Variants in DLGAP1 observed in about 807,000 individuals in gnomAD.
The protein encoded by DLGAP1 is disks large-associated protein 1.
DLGAP1 carries 11 observed loss-of-function variants against 90.8 expected under a neutral mutation model. The observed-to-expected ratio is 0.12, with a 90% CI of 0.08 to 0.20. DLGAP1 has a LOEUF of 0.20. Among genes scored for constraint, DLGAP1 ranks in the 10% least tolerant of loss-of-function variants. The probability of loss-of-function intolerance (pLI) is 1.00; values close to 1 mark genes in which losing one functional copy is unlikely to be tolerated. For missense variants in DLGAP1, 1,050 were observed against 1,333.8 expected (o/e 0.79, Z 3.31); for synonymous variants, 558 against 540.7 (o/e 1.03, Z -0.44).
intron 7 of DLGAP1, among the ~76,000 whole-genome samples, chr18:3,658,921 G>C (rs2059589246): frequency 6.6e-6 from 1 of 152,200 alleles, no homozygotes; most frequent in Admixed American, 6.5e-5. Flanking sequence ...AGGGGTGGCA[G>C]TGAAGGAGAG....
In DLGAP1 at chr18:3,879,201, C is replaced by T; in HGVS notation, c.868G>A (p.Glu290Lys). 1 of 1,553,100 alleles carries T rather than the reference C, an allele frequency of 6.4e-7. No individual in the cohort carries two copies. Among genetic ancestry groups the T allele is most frequent in the Non-Finnish European group, 8.7e-7 (1 of 1,150,072 alleles). The change falls in exon 4 of 13, where the codon GAG (glutamate) becomes AAG (lysine). Residue 290 changes from glutamate (E) to lysine (K), a missense_variant. Coordinates refer to ENST00000315677, the MANE Select transcript of DLGAP1 (RefSeq NM_004746.4). The surrounding 1 kb of genome is among the most constrained non-coding windows in gnomAD (Gnocchi z 6.6). ...SSTLTVSRAR[E>K]VYQKASVNMD... is the part of the protein sequence containing the mutation. ...TTCACCGAGGCCTTCTGGTAAACCT[C>T]CCGGGCCCGGCTCACGGTGAGCGTG... is the stretch of plus-strand genomic sequence containing the variant.
At chr18:4,183,917 C>A (rs564532307) in intron 1 of DLGAP1, among the ~76,000 whole-genome samples, 2 of 152,084 alleles carry the variant, frequency 1.3e-5, no homozygotes, top group African/African-American at 2.4e-5. Context: ...AAAAGACAGA[C>A]CCGAGGGTAT....
chr18:4,232,435 AC>A (rs1354484039), intron 1 of DLGAP1, among the ~76,000 whole-genome samples: 1 of 152,166 alleles, frequency 6.6e-6, no homozygotes, highest in Non-Finnish European at 1.5e-5. Context: ...TCGATAATGA[AC>A]TTTTTGCAAC....
intron 1 of DLGAP1, among the ~76,000 whole-genome samples, chr18:4,261,657 A>G (rs1159124701): frequency 1.3e-5 from 2 of 152,190 alleles, no homozygotes; most frequent in Non-Finnish European, 1.5e-5. Flanking sequence ...CATATAGTGA[A>G]TTAAAATGAT....
At chr18:4,444,096 T>C (rs1449888737) in intron 1 of DLGAP1, among the ~76,000 whole-genome samples, 1 of 152,046 alleles carries the variant, frequency 6.6e-6, no homozygotes, top group Admixed American at 6.5e-5. Flanking sequence ...GCAGAGAAGG[T>C]GAATGCAATT....
chr18:3,899,422 T>C (rs1012842277), intron 3 of DLGAP1, among the ~76,000 whole-genome samples: 1 of 152,128 alleles, frequency 6.6e-6, no homozygotes, highest in Non-Finnish European at 1.5e-5. Flanking sequence ...CCAGAATGAG[T>C]GGTACCTGTG....
intron 4 of DLGAP1, among the ~76,000 whole-genome samples, chr18:3,848,055 G>A (rs538092546): frequency 1.4e-5 from 2 of 142,580 alleles, no homozygotes; most frequent in South Asian, 4.7e-4. Context: ...TTGAGCTCAG[G>A]TGTTTGAAGC....
intron 1 of DLGAP1, among the ~76,000 whole-genome samples, chr18:4,438,563 C>A (rs1055118629): frequency 5.9e-5 from 9 of 151,942 alleles, no homozygotes; most frequent in African/African-American, 1.7e-4. Context: ...TCCACTATCC[C>A]CATTCATTTC....
intron 7 of DLGAP1, among the ~76,000 whole-genome samples, chr18:3,641,238 C>A (rs1291941153): frequency 6.6e-6 from 1 of 151,570 alleles, no homozygotes; most frequent in Non-Finnish European, 1.5e-5. Context: ...ATTCTCAGGG[C>A]AGTCATTCCA....
chr18:4,240,507 A>AT (rs1397692218), intron 1 of DLGAP1, among the ~76,000 whole-genome samples: 1 of 152,182 alleles, frequency 6.6e-6, no homozygotes, highest in Non-Finnish European at 1.5e-5. Flanking sequence ...AATCTCTTGA[A>AT]ATCAGATTTT....
chr18:3,743,650 G>A (rs949472736), intron 5 of DLGAP1, among the ~76,000 whole-genome samples: 55 of 148,566 alleles, frequency 3.7e-4, no homozygotes, highest in Non-Finnish European at 7.7e-4. Context: ...CACCGCGCCC[G>A]GCCTTTATTT....
At chr18:4,004,859 G>A (rs756877313) in intron 3 of DLGAP1, among the ~76,000 whole-genome samples, 3 of 151,332 alleles carry the variant, frequency 2.0e-5, no homozygotes, top group Non-Finnish European at 4.4e-5. Flanking sequence ...CTATATTATG[G>A]TTCCATAAAA....
At chr18:4,100,585 G>C (rs924957381) in intron 2 of DLGAP1, among the ~76,000 whole-genome samples, 2 of 152,196 alleles carry the variant, frequency 1.3e-5, no homozygotes, top group Non-Finnish European at 2.9e-5. Context: ...GAGTCAGCCT[G>C]TCCTTTGAAG....
chr18:3,747,994 T>C (rs183234790), intron 5 of DLGAP1, among the ~76,000 whole-genome samples: 4 of 152,362 alleles, frequency 2.6e-5, no homozygotes, highest in Admixed American at 6.5e-5. Flanking sequence ...CAAAAGAAAG[T>C]TGATCTGCTC....
In DLGAP1 at chr18:3,905,366, C is replaced by CAAAAAAAAAAAAAAA. The variant is rs71160924; in HGVS notation, c.-72-25241_-72-25227dup. Among the ~76,000 whole-genome samples, 120 of 19,828 alleles carry CAAAAAAAAAAAAAAA rather than the reference C, an allele frequency of 6.1e-3. 4 individuals are homozygous for CAAAAAAAAAAAAAAA. The highest frequency in any genetic ancestry group is 8.0e-3 in the Non-Finnish European group (89 of 11,072). 13.0% of individuals were successfully genotyped at this position (19,828 alleles called of 152,430 possible). On this transcript the variant is annotated intron_variant, in intron 3 of 12. Coordinates refer to ENST00000315677, the MANE Select transcript of DLGAP1 (RefSeq NM_004746.4). Reference sequence around the variant, plus strand: ...TGGGCAACAGAGTGAGACTCCATCTCAAAAAAAAAAAAAAAAAAAAAAAAA... The same window carrying CAAAAAAAAAAAAAAA: ...TGGGCAACAGAGTGAGACTCCATCTCAAAAAAAAAAAAAAAAAAAAAAAAAAAAAAAAAAAAAAAA...
chr18:3,785,910 T>C lies in DLGAP1; in HGVS notation c.1172+28149A>G, dbSNP rs576305346. Among the ~76,000 whole-genome samples the C allele has an allele frequency of 2.6e-5, 4 of 152,338 alleles. No individual in the cohort carries two copies. The South Asian group carries it at 8.3e-4, about 32-fold the overall frequency. ...CTACTTCTGTAGTTCAGTCATATTT[T>C]GGGGTAAAGTGTGCTGGCTTCCTTC... is the stretch of plus-strand genomic sequence containing the variant. On this transcript the variant is annotated intron_variant, in intron 5 of 12. Coordinates refer to ENST00000315677, the MANE Select transcript of DLGAP1 (RefSeq NM_004746.4).
At chr18:4,252,456 A>G (rs2078799773) in intron 1 of DLGAP1, among the ~76,000 whole-genome samples, 1 of 152,220 alleles carries the variant, frequency 6.6e-6, no homozygotes, top group Non-Finnish European at 1.5e-5. Context: ...CAACAGCTTC[A>G]CTGCATAAAT....
Position 4,211,452 on chromosome 18 carries a change from G to T in DLGAP1, c.-266-60165C>A, listed in dbSNP as rs2077838965. On this transcript the variant is annotated intron_variant, in intron 1 of 12. Coordinates refer to ENST00000315677, the MANE Select transcript of DLGAP1 (RefSeq NM_004746.4). ...ATTGTTTAATTACCATTTTTGGTAGGTCCTTAGTTTGAATCTGGAAGGCAT... is the reference window on the plus strand; with the variant it reads ...ATTGTTTAATTACCATTTTTGGTAGTTCCTTAGTTTGAATCTGGAAGGCAT... Among the ~76,000 whole-genome samples the T allele has an allele frequency of 2.0e-5, 3 of 152,086 alleles. No individual in the cohort carries two copies. In the South Asian group the frequency reaches 6.2e-4, roughly 32 times the overall value.
At chr18:3,898,521 T>C (rs2071707106) in intron 3 of DLGAP1, among the ~76,000 whole-genome samples, 1 of 152,194 alleles carries the variant, frequency 6.6e-6, no homozygotes, top group Non-Finnish European at 1.5e-5. Context: ...ACCACTACAC[T>C]GTCAATGACA....
Sources: allele counts gnomAD v4.1 joint callset (sites outside exome capture counted in the v4.1 genomes callset), GRCh38; gene constraint gnomAD v4.1.1; non-coding constraint Gnocchi (gnomAD v3.1); transcripts MANE v1.5; gene names NCBI Gene and HGNC (gene_info 2026-07-23, HGNC 2026-07-21).